Variants in RARB observed in about 807,000 individuals in gnomAD.
RARB encodes retinoic acid receptor beta, also known as HBV-activated protein.
In RARB, 17 loss-of-function variants were observed where a neutral mutation model predicts 51.9. The observed-to-expected ratio is 0.33, with a 90% confidence interval of 0.22 to 0.49. The LOEUF is 0.49. Ranked by LOEUF, RARB falls within the 20% of genes least tolerant of loss-of-function variation. The probability of loss-of-function intolerance (pLI) is 0.99; values close to 1 mark genes in which losing one functional copy is unlikely to be tolerated. For synonymous variants in RARB, 215 were observed against 195.4 expected (o/e 1.10, Z -0.84); for missense variants, 369 against 550.8 (o/e 0.67, Z 3.30).
At chr3:25,256,434 C>T (rs905208868) in intron 5 of RARB, among the ~76,000 whole-genome samples, 1 of 151,918 alleles carries the variant, frequency 6.6e-6, no homozygotes, top group Non-Finnish European at 1.5e-5. Context: ...GCAAGAGAAG[C>T]AATAAGGGAA....
intron 2 of RARB, among the ~76,000 whole-genome samples, chr3:24,999,677 C>A (rs1478419511): frequency 1.3e-5 from 2 of 152,158 alleles, no homozygotes; most frequent in African/African-American, 2.4e-5. Context: ...TGGTTGTGTG[C>A]ATTAGCAATA....
rs148363783 is a variant in RARB, at chr3:24,936,277, G to A, written c.-380+77525G>A. 1.8e-3 allele frequency among the ~76,000 whole-genome samples: 269 copies of A among 152,210 alleles called. 1 individual carries two copies. Among genetic ancestry groups the A allele is most frequent in the African/African-American group, 5.8e-3 (243 of 41,552 alleles). On this transcript the variant is annotated intron_variant, in intron 2 of 11. Coordinates refer to the RARB transcript ENST00000383772. ...TCCTGAGATTCTATTTTACAAATTA[G>A]TATATTGAGGAGAAGAGTTTTCTAA...
intron 3 of RARB, among the ~76,000 whole-genome samples, chr3:25,082,196 A>G (rs935469219): frequency 3.9e-5 from 6 of 151,972 alleles, no homozygotes; most frequent in African/African-American, 1.4e-4. Context: ...TAGAAGTGGA[A>G]CTTACCTTTT....
At chr3:24,941,972 G>T (rs1449880786) in intron 2 of RARB, among the ~76,000 whole-genome samples, 1 of 152,202 alleles carries the variant, frequency 6.6e-6, no homozygotes, top group African/African-American at 2.4e-5. Flanking sequence ...GCTGAAAAAT[G>T]TATTTTTCCC....
chr3:25,198,798 G>C (rs1022334037), intron 5 of RARB, among the ~76,000 whole-genome samples: 1 of 152,056 alleles, frequency 6.6e-6, no homozygotes. Context: ...AACAAATGCT[G>C]GTGAGGATGT....
rs57081618 is a variant in RARB at position 25,494,253 on chromosome 3, G to GCACACACACA, written c.307-6912_307-6903dup. On this transcript the variant is annotated intron_variant, in intron 2 of 7. Transcript: ENST00000330688. ...GCCCCCTTTTCCAGCTGTATCTTAC[G>GCACACACACA]CACACACACACACACACACACACAC... Among the ~76,000 whole-genome samples, 923 of 131,952 alleles carry GCACACACACA rather than the reference G, an allele frequency of 7.0e-3. 16 individuals are homozygous for GCACACACACA. The highest frequency in any genetic ancestry group is 0.014 in the African/African-American group (530 of 38,362). The allele number at this position is 131,952 out of a possible 152,430, so 86.6% of individuals were successfully genotyped here. A position where few individuals can be genotyped will look rare whatever the true frequency, so the allele number is the denominator to read the frequency against.
intron 2 of RARB, among the ~76,000 whole-genome samples, chr3:25,480,583 T>C (rs1490187117): frequency 1.3e-5 from 2 of 152,228 alleles, no homozygotes; most frequent in African/African-American, 2.4e-5. Flanking sequence ...TGATGTTTCA[T>C]ATAATTCTAA....
At chr3:25,197,584 G>A (rs1025752803) in intron 5 of RARB, among the ~76,000 whole-genome samples, 1 of 151,964 alleles carries the variant, frequency 6.6e-6, no homozygotes, top group African/African-American at 2.4e-5. Context: ...GTTAAAGTCA[G>A]TAAAGTTGTA....
chr3:25,528,233 C>A (rs917674878), intron 3 of RARB, among the ~76,000 whole-genome samples: 3 of 152,184 alleles, frequency 2.0e-5, no homozygotes, highest in African/African-American at 7.2e-5. Context: ...GTCGGTTAAA[C>A]CCCTGAAGGA....
intron 3 of RARB, among the ~76,000 whole-genome samples, chr3:25,126,375 A>T (rs1559475623): frequency 6.6e-6 from 1 of 152,096 alleles, no homozygotes; most frequent in East Asian, 1.9e-4. Flanking sequence ...TAGTCAGGTG[A>T]TTTGAAGCAA....
intron 2 of RARB, among the ~76,000 whole-genome samples, chr3:24,961,307 G>C (rs1280209330): frequency 6.6e-6 from 1 of 152,072 alleles, no homozygotes; most frequent in Non-Finnish European, 1.5e-5. Flanking sequence ...CCTTTTTCCA[G>C]ACCAAGAATA....
chr3:24,857,476 C>G (rs557017917), intron 1 of RARB, among the ~76,000 whole-genome samples: 1 of 152,142 alleles, frequency 6.6e-6, no homozygotes, highest in African/African-American at 2.4e-5. Flanking sequence ...ATAATTATGT[C>G]CCCAATACAA....
chr3:25,332,606 A>C (rs1485874661), intron 5 of RARB, among the ~76,000 whole-genome samples: 2 of 152,240 alleles, frequency 1.3e-5, no homozygotes, highest in Non-Finnish European at 2.9e-5. Flanking sequence ...TTCCCTTTGA[A>C]AACTGGCACA....
chr3:25,450,658 G>A (rs994644931), intron 1 of RARB, among the ~76,000 whole-genome samples: 8 of 152,226 alleles, frequency 5.3e-5, no homozygotes, highest in African/African-American at 1.9e-4. Context: ...GGCCTGTCCT[G>A]GGCATTGTGA....
chr3:24,975,769 ATT>A lies in RARB; in HGVS notation c.-379-84347_-379-84346del, dbSNP rs71622790. Among the ~76,000 whole-genome samples, 1,445 of 149,632 alleles carry A rather than the reference ATT, an allele frequency of 9.7e-3. 5 individuals carry two copies. The highest frequency in any genetic ancestry group is 0.016 in the Non-Finnish European group (1,046 of 67,228). ...CTTCTTTTTTGGGGAGTTGGCTGTG[ATT>A]TTTTTTTTGTTATTATACATTAAGT... On this transcript the variant is annotated intron_variant, in intron 2 of 11. Transcript: ENST00000383772.
chr3:25,330,369 TAAAG>T (rs1704855964), intron 5 of RARB, among the ~76,000 whole-genome samples: 1 of 152,136 alleles, frequency 6.6e-6, no homozygotes, highest in East Asian at 1.9e-4. Flanking sequence ...TCAACATTCT[TAAAG>T]AAAAGAATTT....
At chr3:25,282,458 AC>A (rs1405000393) in intron 5 of RARB, among the ~76,000 whole-genome samples, 1 of 150,430 alleles carries the variant, frequency 6.6e-6, no homozygotes, top group Non-Finnish European at 1.5e-5. Flanking sequence ...TGCCCCTTAT[AC>A]TTTTTCTACT....
intron 2 of RARB, among the ~76,000 whole-genome samples, chr3:25,000,010 G>A (rs1417793663): frequency 1.3e-5 from 2 of 152,122 alleles, no homozygotes; most frequent in African/African-American, 2.4e-5. Flanking sequence ...CTGTCCAGGA[G>A]AAGTGGGGAC....
intron 5 of RARB, among the ~76,000 whole-genome samples, chr3:25,235,980 A>G (rs1187359111): frequency 6.6e-6 from 1 of 152,156 alleles, no homozygotes; most frequent in African/African-American, 2.4e-5. Context: ...TAGATACTTT[A>G]TAAGATTTTA....
Sources: gnomAD v4.1 joint callset for allele counts (sites outside exome capture counted in the v4.1 genomes callset) on GRCh38, gnomAD v4.1.1 for gene constraint, MANE v1.5 for transcripts, NCBI Gene and HGNC (gene_info 2026-07-23, HGNC 2026-07-21) for gene names.